The following METTL15 variants were observed in gnomAD, a reference collection of about 807,000 sequenced individuals.
METTL15 encodes the protein methyltransferase 15, mitochondrial 12S rRNA N4-cytidine.
Under a neutral mutation model 38.3 loss-of-function variants are expected in METTL15, and 34 were observed. That is an observed-to-expected ratio of 0.89 (90% CI 0.68 to 1.18). The LOEUF is 1.18. METTL15 is among the 50% of genes most tolerant of loss of function. The pLI, the probability that METTL15 is intolerant of heterozygous loss-of-function variation, is 0.00. For synonymous variants in METTL15, 162 were observed against 170.9 expected (o/e 0.95, Z 0.41); for missense variants, 438 against 498.4 (o/e 0.88, Z 1.15).
chr11:28,113,564 T>C lies in METTL15; in HGVS notation c.230T>C (p.Val77Ala). 6.2e-7 allele frequency: 1 copy of C among 1,612,336 alleles called. No individual in the cohort carries two copies. Among genetic ancestry groups the C allele is most frequent in the Non-Finnish European group, 8.5e-7 (1 of 1,179,428 alleles). Reference sequence around the variant, plus strand: ...GCTAAATTACATATTCCAGTAATGGTGGATGAAGTTGTTCATTGTTTGTCA... The same window carrying C: ...GCTAAATTACATATTCCAGTAATGGCGGATGAAGTTGTTCATTGTTTGTCA... ...TMAKLHIPVM[V>A]DEVVHCLSPQ... is the part of the protein sequence containing the mutation. The change falls in exon 3 of 7, where the codon GTG (valine) becomes GCG (alanine). Residue 77 changes from valine (V) to alanine (A), a missense_variant. Coordinates refer to ENST00000407364, the MANE Select transcript of METTL15 (RefSeq NM_001113528.2).
chr11:28,478,453 G>A (rs1004375220), intron 6 of METTL15, among the ~76,000 whole-genome samples: 8 of 152,178 alleles, frequency 5.3e-5, no homozygotes, highest in Admixed American at 2.6e-4. Flanking sequence ...GGCCTCAATC[G>A]TGGTGATTAT....
chr11:28,407,412 T>C (rs1006344419), intron 5 of METTL15, among the ~76,000 whole-genome samples: 2 of 152,158 alleles, frequency 1.3e-5, no homozygotes, highest in African/African-American at 4.8e-5. Context: ...CAATTTATCC[T>C]TCTGACAAAG....
chr11:28,254,394 G>A (rs1015921174), intron 4 of METTL15, among the ~76,000 whole-genome samples: 5 of 152,238 alleles, frequency 3.3e-5, no homozygotes, highest in Admixed American at 2.0e-4. Context: ...TCCCTTGTCA[G>A]GTGGGTAGTT....
At chr11:28,152,951 A>G (rs372050316) in intron 3 of METTL15, among the ~76,000 whole-genome samples, 1 of 152,056 alleles carries the variant, frequency 6.6e-6, no homozygotes, top group South Asian at 2.1e-4. Flanking sequence ...TAGACCATAT[A>G]GGGTAACTTC....
chr11:28,389,478 G>A (rs895439242), intron 5 of METTL15, among the ~76,000 whole-genome samples: 27 of 146,966 alleles, frequency 1.8e-4, no homozygotes, highest in South Asian at 1.1e-3. Flanking sequence ...GAGAACATGC[G>A]GTGTTTGATT....
intron 3 of METTL15, among the ~76,000 whole-genome samples, chr11:28,170,798 C>T (rs1443934576): frequency 1.3e-5 from 2 of 152,054 alleles, no homozygotes; most frequent in Non-Finnish European, 2.9e-5. Context: ...TGGTTTTGGT[C>T]GGTTTTGGCC....
downstream of METTL15, among the ~76,000 whole-genome samples, chr11:28,529,973 TG>T (rs1225768816): frequency 6.6e-6 from 1 of 152,104 alleles, no homozygotes; most frequent in Non-Finnish European, 1.5e-5. Flanking sequence ...AAAGGCAAGC[TG>T]GGGTGGGTAC....
chr11:28,453,927 A>G (rs1298159287), intron 6 of METTL15, among the ~76,000 whole-genome samples: 3 of 152,330 alleles, frequency 2.0e-5, no homozygotes, highest in Admixed American at 2.0e-4. Flanking sequence ...GGGAAGATAC[A>G]GGAAAAAGAG....
At chr11:28,241,451 G>A (rs1220018459) in intron 4 of METTL15, among the ~76,000 whole-genome samples, 4 of 151,628 alleles carry the variant, frequency 2.6e-5, no homozygotes, top group South Asian at 2.1e-4. Flanking sequence ...GGAGAATGGC[G>A]TGAACCCGGG....
chr11:28,404,722 T>C (rs939345345), intron 5 of METTL15, among the ~76,000 whole-genome samples: 1 of 152,050 alleles, frequency 6.6e-6, no homozygotes, highest in Non-Finnish European at 1.5e-5. Flanking sequence ...AAATAAACCA[T>C]AGGCCAACGT....
rs886305188 is a variant in METTL15 at position 28,296,744 on chromosome 11, T to G, written c.600-9T>G. The G allele has an allele frequency of 1.2e-6, 2 of 1,612,378 alleles. No individual in the cohort carries two copies. Among genetic ancestry groups the G allele is most frequent in the Non-Finnish European group, 8.5e-7 (1 of 1,179,226 alleles). On this transcript the variant is annotated splice_polypyrimidine_tract_variant and intron_variant, in intron 5 of 6. Coordinates refer to ENST00000407364, the MANE Select transcript of METTL15 (RefSeq NM_001113528.2). ...TGTCAGTGAACTAATTGGCTCTTCT[T>G]GTGCGTAGGTACCCTGACATGCCCA...
intron 3 of METTL15, among the ~76,000 whole-genome samples, chr11:28,338,792 C>A (rs371355875): frequency 6.6e-5 from 10 of 152,252 alleles, no homozygotes; most frequent in African/African-American, 2.2e-4. Flanking sequence ...ACCAGGACTT[C>A]AGCTTTGGTA....
In METTL15 at chr11:28,296,804, G is replaced by A. The variant is rs746034808; in HGVS notation, c.651G>A (p.Gln217=). 1.2e-6 allele frequency: 2 copies of A among 1,613,482 alleles called. No individual in the cohort carries two copies. Among genetic ancestry groups the A allele is most frequent in the Admixed American group, 1.7e-5 (1 of 59,886 alleles). ...AADVVNALDQ[Q]ALASILRTYG... is the part of the protein sequence containing the mutation. ...ATGTTGTGAATGCTTTAGATCAACA[G>A]GCACTTGCATCTATCCTAAGAACAT... is the stretch of plus-strand genomic sequence containing the variant. Residue 217 remains glutamine, a synonymous_variant, in exon 6 of 7, where the codon CAG becomes CAA. Transcript: ENST00000407364.
In METTL15 at chr11:28,418,050, G is replaced by A. The variant is rs150411452; in HGVS notation, c.*359-6249G>A. Among the ~76,000 whole-genome samples the A allele has an allele frequency of 5.9e-5, 9 of 152,188 alleles. No homozygotes were observed. In the East Asian group the frequency reaches 1.4e-3, roughly 23 times the overall value. The stretch of plus-strand genomic sequence containing the variant: ...CTGTGTTTGAACCTGTGGGGGATCC[G>A]GTTTGGAGTTCTGGTATCAAGTTTT... On this transcript the variant is annotated intron_variant and NMD_transcript_variant, in intron 5 of 7. Coordinates refer to the METTL15 transcript ENST00000532947.
At chr11:28,312,895 C>T (rs533270470) in intron 6 of METTL15, among the ~76,000 whole-genome samples, 11 of 152,186 alleles carry the variant, frequency 7.2e-5, no homozygotes, top group African/African-American at 2.6e-4. Flanking sequence ...GGTTTCATCT[C>T]TCAATACTGT....
intron 6 of METTL15, among the ~76,000 whole-genome samples, chr11:28,482,842 C>T (rs963543590): frequency 6.6e-6 from 1 of 152,158 alleles, no homozygotes; most frequent in African/African-American, 2.4e-5. Context: ...CACCAAACTT[C>T]AAGTAGCACT....
chr11:28,287,291 G>T, intron 4 of METTL15: 1 of 211,322 alleles, frequency 4.7e-6, no homozygotes, highest in Non-Finnish European at 9.8e-6. Flanking sequence ...CATCTTCGTG[G>T]TCCATGAGGC....
intron 4 of METTL15, chr11:28,287,462 G>C: frequency 7.2e-6 from 3 of 417,544 alleles, no homozygotes; most frequent in Middle Eastern, 8.4e-4. Context: ...CTAGCAATGT[G>C]ATCATCAGTG....
chr11:28,432,818 G>C, intron 6 of METTL15, among the ~76,000 whole-genome samples: 1 of 152,064 alleles, frequency 6.6e-6, no homozygotes, highest in East Asian at 1.9e-4. Flanking sequence ...TGTGCCCTGG[G>C]AAGAATGTTT....
Sources: allele counts gnomAD v4.1 joint callset (sites outside exome capture counted in the v4.1 genomes callset), GRCh38; gene constraint gnomAD v4.1.1; transcripts MANE v1.5; gene names NCBI Gene and HGNC (gene_info 2026-07-23, HGNC 2026-07-21).